WHRN: variants seen among roughly 807,000 people sequenced by gnomAD.
WHRN encodes whirlin.
WHRN carries 41 observed loss-of-function variants against 68.3 expected under a neutral mutation model. That is an observed-to-expected ratio of 0.60 (90% CI 0.47 to 0.78). The LOEUF (loss-of-function observed/expected upper bound fraction) is 0.78. WHRN is among the 30% of genes least tolerant of loss of function. The pLI, the probability that WHRN is intolerant of heterozygous loss-of-function variation, is 0.00. For synonymous variants in WHRN, 560 were observed against 561.3 expected (o/e 1.00, Z 0.03); for missense variants, 1,243 against 1,244.7 (o/e 1.00, Z 0.02).
At chr9:114,414,895 G>A (rs1261582583) in intron 7 of WHRN, among the ~76,000 whole-genome samples, 1 of 152,194 alleles carries the variant, frequency 6.6e-6, no homozygotes, top group Non-Finnish European at 1.5e-5. Context: ...GCAGCTTCCT[G>A]GGGTGGGGGA....
At chr9:114,499,251 G>A (rs79645106) in intron 1 of WHRN, among the ~76,000 whole-genome samples, 3,455 of 152,234 alleles carry the variant, frequency 0.023, 39 homozygotes, top group African/African-American at 0.035. Context: ...CACCCTTTCC[G>A]CTTGCCAGGC....
intron 3 of WHRN, among the ~76,000 whole-genome samples, chr9:114,428,148 CA>C (rs1837052389): frequency 6.6e-6 from 1 of 152,142 alleles, no homozygotes; most frequent in South Asian, 2.1e-4. Context: ...GCCAACATGG[CA>C]AAATGCTGTC....
chr9:114,499,646 C>T (rs773940484), intron 1 of WHRN, among the ~76,000 whole-genome samples: 1 of 152,226 alleles, frequency 6.6e-6, no homozygotes, highest in Non-Finnish European at 1.5e-5. Flanking sequence ...GGAGACTGTA[C>T]ATGTGATTCA....
chr9:114,488,429 A>C (rs1328981878), intron 1 of WHRN, among the ~76,000 whole-genome samples: 10 of 152,052 alleles, frequency 6.6e-5, no homozygotes, highest in Non-Finnish European at 1.5e-4. Flanking sequence ...CAGAAGATAA[A>C]AGGCAGGGCT....
intron 1 of WHRN, among the ~76,000 whole-genome samples, chr9:114,488,929 G>A (rs1842749812): frequency 1.3e-5 from 2 of 151,970 alleles, no homozygotes; most frequent in African/African-American, 4.8e-5. Context: ...ACCCTTCCCT[G>A]CCCCAAACTC....
At chr9:114,403,826 G>A (rs1015155570) in intron 10 of WHRN, 70 bp downstream of exon 10, 33 of 1,582,552 alleles carry the variant, frequency 2.1e-5, no homozygotes, top group African/African-American at 5.4e-5. Context: ...CCCTGGTCCC[G>A]GGACCTCCCA....
At chr9:114,405,070 C>CT (rs34172199) in intron 9 of WHRN, among the ~76,000 whole-genome samples, 1,485 of 109,208 alleles carry the variant, frequency 0.014, 26 homozygotes, top group South Asian at 0.021. Context: ...CTCTCTCTCT[C>CT]TTTTTTTTTT....
chr9:114,441,641 C>T (rs1488236255), intron 3 of WHRN, among the ~76,000 whole-genome samples: 1 of 152,128 alleles, frequency 6.6e-6, no homozygotes, highest in Non-Finnish European at 1.5e-5. Context: ...TCTGCCATAT[C>T]CAAATCTGGG....
At chr9:114,444,287 C>A (rs1838633571) in intron 3 of WHRN, among the ~76,000 whole-genome samples, 1 of 152,090 alleles carries the variant, frequency 6.6e-6, no homozygotes, top group African/African-American at 2.4e-5. Flanking sequence ...TAACCCCAAC[C>A]AAATAACCAT....
intron 3 of WHRN, among the ~76,000 whole-genome samples, chr9:114,464,034 T>C (rs762024271): frequency 2.0e-5 from 3 of 152,238 alleles, no homozygotes; most frequent in Non-Finnish European, 2.9e-5. Context: ...TTCTCCACAA[T>C]GTGATTATTA....
In WHRN at chr9:114,402,202, G is replaced by A. The variant is rs906282760; in HGVS notation, c.*552C>T. The A allele has an allele frequency of 1.2e-5, 2 of 170,564 alleles. No homozygotes were observed. Among genetic ancestry groups the A allele is most frequent in the African/African-American group, 4.8e-5 (2 of 41,910 alleles). 10.6% of individuals were successfully genotyped at this position (170,564 alleles called of 1,614,324 possible). On this transcript the variant is annotated 3_prime_UTR_variant, in exon 12 of 12. Transcript: ENST00000362057. The stretch of plus-strand genomic sequence containing the variant: ...GCTGGGGGTGCAGAGGGAAGCTGGG[G>A]CCTTGGGGTCCCCAGGGGCATGGGG...
intron 3 of WHRN, among the ~76,000 whole-genome samples, chr9:114,439,782 A>C (rs1322361526): frequency 6.6e-6 from 1 of 152,224 alleles, no homozygotes; most frequent in African/African-American, 2.4e-5. Context: ...ATTTGTGACA[A>C]TTTGGAAAAA....
In WHRN at chr9:114,448,012, C is replaced by A. The variant is rs1045116657; in HGVS notation, c.963+18255G>T. On this transcript the variant is annotated intron_variant, in intron 3 of 11. Transcript: ENST00000362057. The stretch of plus-strand genomic sequence containing the variant: ...ACAGCAATATTTCGAGTTTCATGTG[C>A]CCCCTAGGGCCCTGTCATGCCATCA... 2.6e-5 allele frequency among the ~76,000 whole-genome samples: 4 copies of A among 152,232 alleles called. No individual in the cohort carries two copies. In the South Asian group the frequency reaches 8.3e-4, roughly 32 times the overall value.
chr9:114,472,071 TACAGGC>T (rs1388991943), intron 2 of WHRN, among the ~76,000 whole-genome samples: 18 of 152,318 alleles, frequency 1.2e-4, no homozygotes, highest in Non-Finnish European at 2.2e-4. Flanking sequence ...GCTCCTAAAA[TACAGGC>T]TTTCTGTGAT....
At chr9:114,503,310 T>G in intron 1 of WHRN, 1 of 571,834 alleles carries the variant, frequency 1.7e-6, no homozygotes, top group African/African-American at 2.0e-5. Flanking sequence ...CCCAAACTCT[T>G]CACTTCTTGT....
chr9:114,407,071 G>A (rs777749051), intron 8 of WHRN, among the ~76,000 whole-genome samples, 179 bp from the exon 9 acceptor site: 1 of 152,168 alleles, frequency 6.6e-6, no homozygotes, highest in Admixed American at 6.5e-5. Context: ...CCTGCATCTC[G>A]GCAGCTGATA....
At chr9:114,450,704 T>C (rs1281289268) in intron 3 of WHRN, among the ~76,000 whole-genome samples, 1 of 152,000 alleles carries the variant, frequency 6.6e-6, no homozygotes, top group African/African-American at 2.4e-5. Context: ...GGAAACCGAG[T>C]CTCAGGGTGA....
intron 3 of WHRN, among the ~76,000 whole-genome samples, chr9:114,455,783 C>G (rs1035052521): frequency 6.6e-6 from 1 of 151,724 alleles, no homozygotes; most frequent in African/African-American, 2.4e-5. Flanking sequence ...AGATGCTCCT[C>G]AACTTATGAT....
chr9:114,468,681 G>A (rs1409396326), intron 2 of WHRN, among the ~76,000 whole-genome samples: 1 of 152,014 alleles, frequency 6.6e-6, no homozygotes, highest in Non-Finnish European at 1.5e-5. Flanking sequence ...TAGTAAGGAG[G>A]GCCCTGGTGA....
Sources: gnomAD v4.1 joint callset for allele counts (sites outside exome capture counted in the v4.1 genomes callset) on GRCh38, gnomAD v4.1.1 for gene constraint, MANE v1.5 for transcripts, NCBI Gene and HGNC (gene_info 2026-07-23, HGNC 2026-07-21) for gene names.